TBCEL: variants seen among roughly 807,000 people sequenced by gnomAD.
TBCEL encodes the protein tubulin-specific chaperone cofactor E-like protein.
In TBCEL, 15 loss-of-function variants were observed where a neutral mutation model predicts 44.2. The observed-to-expected ratio is 0.34, with a 90% confidence interval of 0.23 to 0.52. TBCEL has a LOEUF of 0.52. Ranked by LOEUF, TBCEL falls within the 20% of genes least tolerant of loss-of-function variation. TBCEL has a pLI of 0.95. For missense variants in TBCEL, 319 were observed against 506.3 expected, an observed-to-expected ratio of 0.63 and a Z score of 3.55; for synonymous variants, 171 against 185.4, an observed-to-expected ratio of 0.92 and a Z score of 0.63.
intron 2 of TBCEL, among the ~76,000 whole-genome samples, chr11:121,038,044 C>T: frequency 6.6e-6 from 1 of 151,964 alleles, no homozygotes; most frequent in Non-Finnish European, 1.5e-5. Context: ...ACTGCACCCT[C>T]TGCCTCCCGG....
intron 4 of TBCEL, among the ~76,000 whole-genome samples, chr11:121,051,563 C>T (rs1945529623): frequency 6.6e-6 from 1 of 151,744 alleles, no homozygotes; most frequent in Admixed American, 6.6e-5. Flanking sequence ...CCTGCATGAA[C>T]TATTTAGCTG....
At chr11:121,060,946 G>A (rs1945710783) in intron 8 of TBCEL, among the ~76,000 whole-genome samples, 1 of 151,954 alleles carries the variant, frequency 6.6e-6, no homozygotes, top group African/African-American at 2.4e-5. Context: ...CTTATTGAAT[G>A]TGTCTATTTT....
In TBCEL at chr11:121,090,732, A is replaced by G. The variant is rs945764064; in HGVS notation, c.*3636A>G. The G allele has an allele frequency of 6.6e-6, 1 of 150,848 alleles. No individual in the cohort carries two copies. Among genetic ancestry groups the G allele is most frequent in the Non-Finnish European group, 1.5e-5 (1 of 67,764 alleles). The allele number at this position is 150,848 out of a possible 1,614,324, so 9.3% of individuals were successfully genotyped here. On this transcript the variant is annotated 3_prime_UTR_variant, in exon 9 of 9. Transcript: ENST00000683345. ...TATTCTTTGCACTTTTTATTAATAT[A>G]TATATAGATAATCTTTAAAAAAATT...
intron 2 of TBCEL, among the ~76,000 whole-genome samples, chr11:121,044,449 A>C (rs1945392561): frequency 6.6e-6 from 1 of 152,058 alleles, no homozygotes; most frequent in Non-Finnish European, 1.5e-5. Context: ...GCAACATCAG[A>C]TATTTTGTGC....
chr11:121,057,392 A>G (rs931768573), intron 6 of TBCEL: 3 of 307,924 alleles, frequency 9.7e-6, no homozygotes, highest in African/African-American at 6.7e-5. Context: ...CTTGGAGAAT[A>G]CATTTTCTCA....
At chr11:121,065,871 C>T (rs897313776) in intron 8 of TBCEL, among the ~76,000 whole-genome samples, 6 of 152,232 alleles carry the variant, frequency 3.9e-5, no homozygotes, top group Non-Finnish European at 7.4e-5. Flanking sequence ...TTACAGAATC[C>T]CTTCAACACT....
At chr11:121,063,860 T>G (rs1221539991) in intron 8 of TBCEL, among the ~76,000 whole-genome samples, 1 of 152,234 alleles carries the variant, frequency 6.6e-6, no homozygotes, top group Non-Finnish European at 1.5e-5. Context: ...TTTACTTGTA[T>G]TTGGTTTTAG....
chr11:121,061,426 C>T (rs530564801), intron 8 of TBCEL, among the ~76,000 whole-genome samples: 2 of 151,864 alleles, frequency 1.3e-5, no homozygotes, highest in African/African-American at 2.4e-5. Flanking sequence ...TACATACATA[C>T]GTCCATACAG....
At position 121,090,337 on chromosome 11, in the gene TBCEL, T is replaced by TG. The variant is rs1272482939; in HGVS notation, c.*3242dup. The stretch of plus-strand genomic sequence containing the variant: ...TTTGAGATACGCGGCTTAACGCACA[T>TG]GTGAGTGTAGCTTGCTACATGAAAA... On this transcript the variant is annotated 3_prime_UTR_variant, in exon 9 of 9. Coordinates refer to ENST00000683345, the MANE Select transcript of TBCEL (RefSeq NM_001363644.2). 1 of 152,174 alleles carries TG rather than the reference T, an allele frequency of 6.6e-6. No homozygotes were observed. Among genetic ancestry groups the TG allele is most frequent in the Non-Finnish European group, 1.5e-5 (1 of 68,030 alleles). The allele number at this position is 152,174 out of a possible 1,614,324, so 9.4% of individuals were successfully genotyped here.
chr11:121,055,726 G>A (rs1311972122), intron 6 of TBCEL, among the ~76,000 whole-genome samples: 1 of 151,708 alleles, frequency 6.6e-6, no homozygotes, highest in Non-Finnish European at 1.5e-5. Flanking sequence ...TCAGTTTATT[G>A]CCATTTGATC....
intron 8 of TBCEL, among the ~76,000 whole-genome samples, chr11:121,082,371 A>C (rs968961593): frequency 4.6e-5 from 7 of 152,228 alleles, no homozygotes; most frequent in African/African-American, 1.4e-4. Context: ...GCCATCTTCA[A>C]ACCAGCAATG....
At chr11:121,049,305 T>C (rs542066290) in intron 4 of TBCEL, among the ~76,000 whole-genome samples, 5 of 151,992 alleles carry the variant, frequency 3.3e-5, no homozygotes, top group South Asian at 4.1e-4. Flanking sequence ...TTAGTAGATA[T>C]TGAATGCTAT....
At chr11:121,048,754 A>G (rs1194583300) in intron 4 of TBCEL, among the ~76,000 whole-genome samples, 2 of 151,796 alleles carry the variant, frequency 1.3e-5, no homozygotes, top group Admixed American at 1.3e-4. Context: ...GCCCTTTGCT[A>G]TTTCTAGAAC....
intron 1 of TBCEL, among the ~76,000 whole-genome samples, chr11:121,026,732 T>C (rs1328974258): frequency 6.6e-6 from 1 of 152,364 alleles, no homozygotes; most frequent in East Asian, 1.9e-4. Context: ...AAATGACCTC[T>C]TAATCAGGGA....
chr11:121,026,105 T>C (rs1413383218), intron 1 of TBCEL, among the ~76,000 whole-genome samples: 1 of 152,202 alleles, frequency 6.6e-6, no homozygotes, highest in Non-Finnish European at 1.5e-5. Context: ...ATATACTTTT[T>C]GCTACATGAT....
intron 8 of TBCEL, among the ~76,000 whole-genome samples, chr11:121,068,112 A>G (rs559143413): frequency 6.6e-6 from 1 of 152,296 alleles, no homozygotes; most frequent in African/African-American, 2.4e-5. Context: ...TGCCAGATGT[A>G]TACATGCAGC....
intron 8 of TBCEL, among the ~76,000 whole-genome samples, chr11:121,077,799 T>C (rs1337924954): frequency 6.6e-6 from 1 of 152,142 alleles, no homozygotes; most frequent in African/African-American, 2.4e-5. Flanking sequence ...GGATTTGTTA[T>C]ATTTTAGTTT....
At chr11:121,033,236 A>C (rs1296952624) in intron 1 of TBCEL, among the ~76,000 whole-genome samples, 1 of 152,224 alleles carries the variant, frequency 6.6e-6, no homozygotes, top group Non-Finnish European at 1.5e-5. Context: ...TGTTGAAAAC[A>C]AGTCTAAACT....
Position 121,024,145 on chromosome 11 carries a change from G to A in TBCEL, c.-272G>A, listed in dbSNP as rs976790605. ...GACACTGGGCTCCGGCGGCCAGAGT[G>A]GGGGACTAGGTGAAGCGGCGCCGGG... On this transcript the variant is annotated 5_prime_UTR_variant, in exon 1 of 9. It introduces an in-frame stop codon into an upstream open reading frame of the 5' UTR. Transcript: ENST00000683345. 3.3e-5 allele frequency: 5 copies of A among 153,314 alleles called. No homozygotes were observed. Among genetic ancestry groups the A allele is most frequent in the South Asian group, 2.1e-4 (1 of 4,832 alleles). The allele number at this position is 153,314 out of a possible 1,614,324, so 9.5% of individuals were successfully genotyped here. A position where few individuals can be genotyped will look rare whatever the true frequency, so the allele number is the denominator to read the frequency against.
Sources: gnomAD v4.1 joint callset for allele counts (sites outside exome capture counted in the v4.1 genomes callset) on GRCh38, gnomAD v4.1.1 for gene constraint, MANE v1.5 for transcripts, NCBI Gene and HGNC (gene_info 2026-07-23, HGNC 2026-07-21) for gene names.